The following PVT1 variants were observed in gnomAD, a reference collection of about 807,000 sequenced individuals.
PVT1 encodes the protein CXCR4/PVT1 fusion.
chr8:128,027,667 G>T (rs1376638979), intron 4 of PVT1, among the ~76,000 whole-genome samples: 4 of 152,142 alleles, frequency 2.6e-5, no homozygotes, highest in African/African-American at 9.7e-5. Flanking sequence ...GCCTCCCTGG[G>T]CTGTGGCACC....
intron 3 of PVT1, among the ~76,000 whole-genome samples, chr8:127,974,042 G>A (rs911803432): frequency 1.3e-5 from 2 of 152,042 alleles, no homozygotes; most frequent in Non-Finnish European, 2.9e-5. Flanking sequence ...CCTCTCAGCA[G>A]GGCTTTATAT....
chr8:127,998,619 C>CCTTT (rs1817135679), intron 4 of PVT1, among the ~76,000 whole-genome samples: 1 of 142,554 alleles, frequency 7.0e-6, no homozygotes, highest in African/African-American at 2.6e-5. Flanking sequence ...TCCTTCCTTC[C>CCTTT]TCCCTCCCTC....
At position 127,805,968 on chromosome 8, in the gene PVT1, A is replaced by G. The variant is rs1043088494; in HGVS notation, n.372+9897A>G. ...TGATCAATATGACTACATATTAAAG[A>G]AAAAGGCACATCTAAGCAACAAAAA... is the stretch of plus-strand genomic sequence containing the variant. On this transcript the variant is annotated intron_variant and non_coding_transcript_variant, in intron 2 of 10. Transcript: ENST00000651587. Among the ~76,000 whole-genome samples the G allele has an allele frequency of 3.3e-5, 5 of 152,336 alleles. No individual in the cohort carries two copies. The South Asian group carries it at 6.2e-4, about 19-fold the overall frequency.
Position 127,955,292 on chromosome 8 carries a change from C to T in PVT1, n.783-33870C>T, listed in dbSNP as rs7846596. ...GCCTCAGGAGACACCCAACTGCCAA[C>T]ACCTTCAACTTGATCTTCTGGCCTC... On this transcript the variant is annotated intron_variant and non_coding_transcript_variant, in intron 3 of 10. Coordinates refer to ENST00000651587, the Ensembl canonical transcript of PVT1. 4.9e-3 allele frequency among the ~76,000 whole-genome samples: 741 copies of T among 152,296 alleles called. 7 individuals carry two copies. Among genetic ancestry groups the T allele is most frequent in the African/African-American group, 0.017 (713 of 41,556 alleles).
intron 2 of PVT1, among the ~76,000 whole-genome samples, chr8:127,835,559 TC>T (rs1563617604): frequency 6.6e-6 from 1 of 152,066 alleles, no homozygotes; most frequent in African/African-American, 2.4e-5. Flanking sequence ...CACACGCATA[TC>T]TATGTAACAA....
At chr8:128,045,581 C>T (rs539908675) in intron 4 of PVT1, among the ~76,000 whole-genome samples, 1 of 152,334 alleles carries the variant, frequency 6.6e-6, no homozygotes, top group Admixed American at 6.5e-5. Context: ...GAGTTACCCA[C>T]ATGGCTGTAT....
intron 3 of PVT1, among the ~76,000 whole-genome samples, chr8:127,953,359 C>T (rs1302883680): frequency 3.9e-5 from 6 of 152,124 alleles, no homozygotes; most frequent in African/African-American, 1.4e-4. Flanking sequence ...GAGATATCAG[C>T]CTGTAGATTG....
intron 4 of PVT1, among the ~76,000 whole-genome samples, chr8:128,067,168 C>T (rs564031841): frequency 6.6e-6 from 1 of 152,320 alleles, no homozygotes; most frequent in South Asian, 2.1e-4. Flanking sequence ...GGTTATCTAA[C>T]AATCCTCATG....
At chr8:127,828,704 A>G (rs1321005136) in intron 2 of PVT1, among the ~76,000 whole-genome samples, 3 of 152,102 alleles carry the variant, frequency 2.0e-5, no homozygotes, top group Admixed American at 2.0e-4. Flanking sequence ...GATTAAACTC[A>G]GTGAATCCGT....
At chr8:128,050,924 ACT>A (rs1361993781) in intron 4 of PVT1, among the ~76,000 whole-genome samples, 4 of 151,728 alleles carry the variant, frequency 2.6e-5, no homozygotes, top group Non-Finnish European at 5.9e-5. Context: ...TGTTTGAAAG[ACT>A]CTTAGTTCCT....
intron 4 of PVT1, among the ~76,000 whole-genome samples, chr8:128,047,148 C>G (rs1175539181): frequency 6.6e-6 from 1 of 152,230 alleles, no homozygotes; most frequent in African/African-American, 2.4e-5. Context: ...ATTTGCTGTG[C>G]CTTCTCCACC....
intron 2 of PVT1, among the ~76,000 whole-genome samples, chr8:127,797,160 G>A (rs1814406762): frequency 6.6e-6 from 1 of 152,110 alleles, no homozygotes; most frequent in Non-Finnish European, 1.5e-5. Context: ...GGCCTCCCAA[G>A]TTGCTGGGAT....
chr8:128,077,683 C>T (rs2052306825), intron 5 of PVT1, among the ~76,000 whole-genome samples: 1 of 152,098 alleles, frequency 6.6e-6, no homozygotes, highest in Non-Finnish European at 1.5e-5. Context: ...TTTATCAAGC[C>T]TCTCTGCAAA....
intron 4 of PVT1, among the ~76,000 whole-genome samples, chr8:128,037,959 C>G (rs1296075262): frequency 6.6e-6 from 1 of 152,172 alleles, no homozygotes; most frequent in Non-Finnish European, 1.5e-5. Flanking sequence ...ACCAAATAAA[C>G]TTCATTGTTA....
At chr8:128,058,567 C>T (rs778336454) in intron 4 of PVT1, among the ~76,000 whole-genome samples, 6 of 152,064 alleles carry the variant, frequency 3.9e-5, no homozygotes, top group Non-Finnish European at 8.8e-5. Flanking sequence ...AGTGGCAAAA[C>T]CCTTTGTATT....
chr8:128,072,802 GA>G (rs1357613231), intron 5 of PVT1, among the ~76,000 whole-genome samples: 13 of 151,820 alleles, frequency 8.6e-5, no homozygotes, highest in Non-Finnish European at 1.8e-4. Context: ...TTGTCCACTT[GA>G]GCACTTTTAT....
chr8:127,993,339 C>T (rs1817065403), intron 4 of PVT1, among the ~76,000 whole-genome samples: 1 of 152,232 alleles, frequency 6.6e-6, no homozygotes, highest in African/African-American at 2.4e-5. Context: ...AGTGGCTGCG[C>T]CACCACCTGA....
At chr8:128,035,598 C>T (rs940782965) in intron 4 of PVT1, among the ~76,000 whole-genome samples, 1 of 152,200 alleles carries the variant, frequency 6.6e-6, no homozygotes, top group African/African-American at 2.4e-5. Flanking sequence ...CCCAAGATGA[C>T]CATAATCCCT....
chr8:127,864,650 C>T (rs924589625), intron 2 of PVT1, among the ~76,000 whole-genome samples: 1 of 152,140 alleles, frequency 6.6e-6, no homozygotes, highest in Non-Finnish European at 1.5e-5. Flanking sequence ...CGGGTTCACG[C>T]CATTCTCCTG....
Sources: gnomAD v4.1 joint callset for allele counts (sites outside exome capture counted in the v4.1 genomes callset) on GRCh38, gnomAD v4.1.1 for gene constraint, MANE v1.5 for transcripts, NCBI Gene and HGNC (gene_info 2026-07-23, HGNC 2026-07-21) for gene names.